The following DLGAP2 variants were observed in gnomAD, a reference collection of about 807,000 sequenced individuals.
The protein encoded by DLGAP2 is disks large-associated protein 2.
Under a neutral mutation model 100.3 loss-of-function variants are expected in DLGAP2, and 26 were observed. That is an observed-to-expected ratio of 0.26 (90% confidence interval 0.19 to 0.36). DLGAP2 has a LOEUF of 0.36. DLGAP2 is among the 10% of genes least tolerant of loss of function. DLGAP2 has a pLI of 1.00. For missense variants in DLGAP2, 1,858 were observed against 1,453.2 expected, an observed-to-expected ratio of 1.28 and a Z score of -4.53; for synonymous variants, 886 against 630.1, an observed-to-expected ratio of 1.41 and a Z score of -6.08.
chr8:1,342,925 A>G (rs1156338527), intron 3 of DLGAP2, among the ~76,000 whole-genome samples: 4 of 151,398 alleles, frequency 2.6e-5, no homozygotes, highest in Non-Finnish European at 5.9e-5. Context: ...GGTGCCAGGC[A>G]CCAGCTGTTT....
At chr8:1,262,966 G>A (rs117542233) in intron 3 of DLGAP2, among the ~76,000 whole-genome samples, 1 of 152,132 alleles carries the variant, frequency 6.6e-6, no homozygotes, top group Non-Finnish European at 1.5e-5. Context: ...GATGTGGGAA[G>A]ACAGATAATG....
chr8:1,433,281 A>G (rs1021131309), intron 3 of DLGAP2, among the ~76,000 whole-genome samples: 1 of 152,184 alleles, frequency 6.6e-6, no homozygotes, highest in Non-Finnish European at 1.5e-5. Flanking sequence ...TCTCTGCTCT[A>G]CATGTTCCGA....
intron 8 of DLGAP2, among the ~76,000 whole-genome samples, chr8:1,663,540 A>G (rs1190135831): frequency 6.6e-6 from 1 of 152,208 alleles, no homozygotes; most frequent in Admixed American, 6.5e-5. Context: ...AGCAAGAAAG[A>G]TTGATTTAAT....
intron 1 of DLGAP2, among the ~76,000 whole-genome samples, chr8:837,569 G>C (rs1464579145): frequency 1.3e-5 from 2 of 151,896 alleles, no homozygotes; most frequent in Non-Finnish European, 2.9e-5. Flanking sequence ...CCTGACCTAA[G>C]GCCGTGCTCA....
intron 6 of DLGAP2, among the ~76,000 whole-genome samples, chr8:1,576,665 C>T (rs1201470418): frequency 6.6e-6 from 1 of 152,106 alleles, no homozygotes; most frequent in South Asian, 2.1e-4. Flanking sequence ...AGGAAGGGAT[C>T]CAGTTTCAGC....
chr8:1,419,516 C>G (rs556875911), intron 3 of DLGAP2, among the ~76,000 whole-genome samples: 1 of 151,136 alleles, frequency 6.6e-6, no homozygotes, highest in South Asian at 2.1e-4. Context: ...TTTTGGTTGA[C>G]TGATAGTAAT....
chr8:1,435,892 A>G (rs1039782195), intron 3 of DLGAP2, among the ~76,000 whole-genome samples: 2 of 152,158 alleles, frequency 1.3e-5, no homozygotes, highest in African/African-American at 4.8e-5. Context: ...AAATTTAAAA[A>G]TTAAAGATTA....
At chr8:1,457,308 T>C (rs1407729655) in intron 3 of DLGAP2, among the ~76,000 whole-genome samples, 1 of 152,160 alleles carries the variant, frequency 6.6e-6, no homozygotes, top group African/African-American at 2.4e-5. Flanking sequence ...ACCACAGAAA[T>C]GGTTGCAGAG....
At chr8:1,448,513 G>T (rs1798045180) in intron 3 of DLGAP2, among the ~76,000 whole-genome samples, 1 of 151,952 alleles carries the variant, frequency 6.6e-6, no homozygotes, top group Admixed American at 6.6e-5. Flanking sequence ...CCAACTATGT[G>T]GTCAATTTTG....
intron 3 of DLGAP2, among the ~76,000 whole-genome samples, chr8:1,391,852 A>G (rs913903813): frequency 2.0e-5 from 3 of 152,254 alleles, no homozygotes; most frequent in African/African-American, 7.2e-5. Context: ...TGCATCTCCA[A>G]GACCCGAGTA....
chr8:1,644,530 C>A (rs894470735), intron 8 of DLGAP2, among the ~76,000 whole-genome samples: 4 of 152,248 alleles, frequency 2.6e-5, no homozygotes, highest in African/African-American at 4.8e-5. Flanking sequence ...GGAATCATTT[C>A]TTCAAGGAAG....
intron 2 of DLGAP2, among the ~76,000 whole-genome samples, chr8:984,974 T>G (rs1421344754): frequency 6.6e-6 from 1 of 152,222 alleles, no homozygotes. Context: ...TTTATCTAAA[T>G]GCTAAGCTTA....
At position 1,694,205 on chromosome 8, in the gene DLGAP2, C is replaced by T. The variant is rs576125284; in HGVS notation, c.2796+2579C>T. On this transcript the variant is annotated intron_variant, in intron 13 of 14. Transcript: ENST00000637795. The stretch of plus-strand genomic sequence containing the variant: ...GGATTAGTAGAAAAACACTTTGACA[C>T]GTTTGGGGCGGAAGAGTGGTACAGG... 3.9e-5 allele frequency among the ~76,000 whole-genome samples: 6 copies of T among 152,278 alleles called. No individual in the cohort carries two copies. The South Asian group carries it at 1.2e-3, about 32-fold the overall frequency.
At chr8:1,435,221 A>G (rs766155306) in intron 3 of DLGAP2, among the ~76,000 whole-genome samples, 15 of 152,154 alleles carry the variant, frequency 9.9e-5, no homozygotes, top group Non-Finnish European at 2.1e-4. Flanking sequence ...GCTTTTGTAG[A>G]TTTTGGGGTG....
intron 2 of DLGAP2, among the ~76,000 whole-genome samples, chr8:961,054 C>T (rs1200995239): frequency 1.3e-5 from 2 of 148,974 alleles, no homozygotes; most frequent in Non-Finnish European, 3.0e-5. Context: ...GACACCAATT[C>T]AGTGGTGGCT....
intron 5 of DLGAP2, among the ~76,000 whole-genome samples, chr8:1,561,567 G>A (rs148711488): frequency 6.6e-6 from 1 of 152,286 alleles, no homozygotes; most frequent in African/African-American, 2.4e-5. Flanking sequence ...TCTAGTGTGC[G>A]TGGTGCTAGG....
chr8:790,406 C>T (rs529076961), intron 1 of DLGAP2, among the ~76,000 whole-genome samples: 2 of 152,174 alleles, frequency 1.3e-5, no homozygotes, highest in African/African-American at 4.8e-5. Context: ...TTCCCATTTT[C>T]TGGCCGCAAG....
At chr8:1,386,495 A>T (rs1048232383) in intron 3 of DLGAP2, among the ~76,000 whole-genome samples, 5 of 152,162 alleles carry the variant, frequency 3.3e-5, no homozygotes, top group African/African-American at 9.7e-5. Flanking sequence ...TCCCTCCAGA[A>T]TCCTGGAGAA....
At chr8:1,306,783 CCATT>C (rs1339646832) in intron 3 of DLGAP2, among the ~76,000 whole-genome samples, 1 of 152,106 alleles carries the variant, frequency 6.6e-6, no homozygotes, top group African/African-American at 2.4e-5. Flanking sequence ...GGTGCCAAGA[CCATT>C]CAATGGAGAA....
Sources: gnomAD v4.1 joint callset for allele counts (sites outside exome capture counted in the v4.1 genomes callset) on GRCh38, gnomAD v4.1.1 for gene constraint, MANE v1.5 for transcripts, NCBI Gene and HGNC (gene_info 2026-07-23, HGNC 2026-07-21) for gene names.